Variants in NUP85 observed in about 807,000 individuals in gnomAD.
NUP85 encodes the protein nucleoporin 85.
Under a neutral mutation model 92.8 loss-of-function variants are expected in NUP85, and 23 were observed. The observed-to-expected ratio is 0.25, with a 90% CI of 0.18 to 0.35. The LOEUF is 0.35. Ranked by LOEUF, NUP85 falls within the 10% of genes least tolerant of loss-of-function variation. The pLI, the probability that NUP85 is intolerant of heterozygous loss-of-function variation, is 1.00. For synonymous variants in NUP85, 314 were observed against 306.9 expected (o/e 1.02, Z -0.24); for missense variants, 759 against 822.8 (o/e 0.92, Z 0.95).
chr17:75,230,936 A>T (rs1246227158), intron 11 of NUP85, among the ~76,000 whole-genome samples: 1 of 143,644 alleles, frequency 7.0e-6, no homozygotes, highest in African/African-American at 2.6e-5. Flanking sequence ...TTTCTGAGCG[A>T]TTTTTTTTTT....
chr17:75,220,821 G>A (rs1476504690), intron 7 of NUP85, among the ~76,000 whole-genome samples: 2 of 150,772 alleles, frequency 1.3e-5, no homozygotes, highest in Admixed American at 6.6e-5. Flanking sequence ...TGGTCAGGCT[G>A]GTCTTGAACT....
At chr17:75,220,611 G>A (rs1270397179) in intron 7 of NUP85, among the ~76,000 whole-genome samples, 1 of 149,222 alleles carries the variant, frequency 6.7e-6, no homozygotes, top group East Asian at 2.0e-4. Flanking sequence ...TTTTTGAGAT[G>A]GCGTCTTTCT....
intron 11 of NUP85, among the ~76,000 whole-genome samples, chr17:75,229,790 C>T (rs2075972338): frequency 1.3e-5 from 2 of 152,188 alleles, no homozygotes; most frequent in Non-Finnish European, 2.9e-5. Context: ...GGCACTGTCT[C>T]AGCCCTTCCT....
At position 75,231,647 on chromosome 17, in the gene NUP85, G is replaced by T. The variant is rs2076061885; in HGVS notation, c.1244+9G>T. 6.2e-7 allele frequency: 1 copy of T among 1,613,804 alleles called. No homozygotes were observed. The highest frequency in any genetic ancestry group is 8.5e-7 in the Non-Finnish European group (1 of 1,179,830). ...CTGTTTGCTCATCCCAGGTAGGAAG[G>T]ACCCCATGGGTGTGGGCTATGCGGG... On this transcript the variant is annotated intron_variant, in intron 13 of 18. Coordinates refer to ENST00000245544, the MANE Select transcript of NUP85 (RefSeq NM_024844.5). This position sits in a 1 kb window ranked among gnomAD's most constrained non-coding sequence, Gnocchi z 4.6.
chr17:75,230,423 G>A (rs944803679), intron 11 of NUP85, among the ~76,000 whole-genome samples: 9 of 149,440 alleles, frequency 6.0e-5, no homozygotes, highest in African/African-American at 1.7e-4. Flanking sequence ...ACAATGGCGC[G>A]ATCTCGTCTC....
intron 7 of NUP85, among the ~76,000 whole-genome samples, chr17:75,219,434 G>A (rs565017922): frequency 6.6e-6 from 1 of 151,998 alleles, no homozygotes; most frequent in East Asian, 1.9e-4. Flanking sequence ...ACACCACTAC[G>A]CCTGGCTAGT....
intron 7 of NUP85, among the ~76,000 whole-genome samples, chr17:75,222,753 C>T (rs1369889367): frequency 1.3e-5 from 2 of 151,782 alleles, no homozygotes; most frequent in Admixed American, 6.6e-5. Context: ...ACAGTGAAGT[C>T]AGCCAGGCGC....
chr17:75,231,004 C>T lies in NUP85; in HGVS notation c.1095-336C>T, dbSNP rs1598342040. The stretch of plus-strand genomic sequence containing the variant: ...TGGAGTGCGGTGGCGTGATCTCGGC[C>T]GATTGCAGCCTCTGCTTCCCAGGCT... On this transcript the variant is annotated intron_variant, in intron 11 of 18. Transcript: ENST00000245544. This position sits in a 1 kb window ranked among gnomAD's most constrained non-coding sequence, Gnocchi z 4.6. 3 of 281,036 alleles carry T rather than the reference C, an allele frequency of 1.1e-5. No homozygotes were observed. Among genetic ancestry groups the T allele is most frequent in the South Asian group, 3.7e-5 (1 of 26,924 alleles). The allele number at this position is 281,036 out of a possible 1,614,324, so 17.4% of individuals were successfully genotyped here. A position where few individuals can be genotyped will look rare whatever the true frequency, so the allele number is the denominator to read the frequency against.
rs2076304098 is a variant in NUP85 at position 75,235,612 on chromosome 17, T to C, written c.1904T>C (p.Leu635Pro). The C allele has an allele frequency of 6.2e-7, 1 of 1,614,016 alleles. No individual in the cohort carries two copies. Among genetic ancestry groups the C allele is most frequent in the Non-Finnish European group, 8.5e-7 (1 of 1,179,958 alleles). Residue 635 changes from leucine to proline, a missense_variant, in exon 19 of 19, where the codon CTG becomes CCG. Physicochemically the swap from Leu to Pro is moderately conservative, Grantham distance 98 (BLOSUM62 -3). Transcript: ENST00000245544. ...DDIETTKVEM[L>P]RLSLARNLAR... is the part of the protein sequence containing the mutation. ...ATAGAGACCACCAAGGTGGAAATGC[T>C]GAGACTTTCTCTGGCACGAAATCTT... is the stretch of plus-strand genomic sequence containing the variant.
At chr17:75,233,958 T>C (rs1278089116) in intron 16 of NUP85, among the ~76,000 whole-genome samples, 1 of 151,984 alleles carries the variant, frequency 6.6e-6, no homozygotes, top group Admixed American at 6.6e-5. Context: ...GGTCTGGAAC[T>C]CCTGACCTCA....
intron 11 of NUP85, among the ~76,000 whole-genome samples, chr17:75,230,420 C>T (rs1249968786): frequency 4.8e-5 from 7 of 146,188 alleles, no homozygotes; most frequent in African/African-American, 1.3e-4. Context: ...AGTACAATGG[C>T]GCGATCTCGT....
At chr17:75,209,133 T>C (rs2075179211) in intron 2 of NUP85, among the ~76,000 whole-genome samples, 1 of 152,206 alleles carries the variant, frequency 6.6e-6, no homozygotes, top group Non-Finnish European at 1.5e-5. Flanking sequence ...AAGCTTTTTA[T>C]CCCTTTTTCT....
intron 1 of NUP85, among the ~76,000 whole-genome samples, chr17:75,206,975 G>A (rs1357553749): frequency 6.6e-6 from 1 of 152,094 alleles, no homozygotes; most frequent in Non-Finnish European, 1.5e-5. Context: ...CCAAAGTGCT[G>A]GGATTACAGG....
At chr17:75,225,997 C>T (rs2075779772) in intron 10 of NUP85, 54 bp from the exon 11 acceptor site, 1 of 1,607,724 alleles carries the variant, frequency 6.2e-7, no homozygotes, top group African/African-American at 1.3e-5. Flanking sequence ...GCCCTGCCTG[C>T]CCCGAGTCTC....
chr17:75,232,964 G>C lies in NUP85; in HGVS notation c.1510G>C (p.Asp504His). Residue 504 changes from aspartate (D) to histidine (H), a missense_variant, in exon 15 of 19, where the codon GAC becomes CAC. Physicochemically the swap from Asp to His is moderately conservative, Grantham distance 81. Transcript: ENST00000245544. The stretch of plus-strand genomic sequence containing the variant: ...TGCCGCCTTTGCCACGCTCGTGTCA[G>C]ACAGGTGGGTGCCGCTAGTGTTGGC... ...KDAAFATLVS[D>H]RFLRDYCERG... 1 of 1,614,122 alleles carries C rather than the reference G, an allele frequency of 6.2e-7. No homozygotes were observed. Among genetic ancestry groups the C allele is most frequent in the Non-Finnish European group, 8.5e-7 (1 of 1,179,944 alleles).
intron 7 of NUP85, among the ~76,000 whole-genome samples, chr17:75,222,896 A>G (rs1009430868): frequency 1.1e-4 from 16 of 151,970 alleles, no homozygotes; most frequent in East Asian, 1.9e-4. Context: ...TTAGCCAGGC[A>G]TGGTGGCAGG....
At chr17:75,211,097 G>A (rs575781575) in intron 3 of NUP85, among the ~76,000 whole-genome samples, 1 of 150,670 alleles carries the variant, frequency 6.6e-6, no homozygotes, top group Non-Finnish European at 1.5e-5. Context: ...CTGCCTCCTG[G>A]GTTGAAGCCA....
intron 9 of NUP85, 57 bp downstream of exon 9, chr17:75,225,521 C>T: frequency 6.3e-7 from 1 of 1,595,110 alleles, no homozygotes; most frequent in Non-Finnish European, 8.5e-7. Flanking sequence ...GCTGTGGCAT[C>T]CAGTGCAGCA....
chr17:75,219,257 T>C (rs2075526967), intron 7 of NUP85, among the ~76,000 whole-genome samples: 1 of 151,918 alleles, frequency 6.6e-6, no homozygotes. Flanking sequence ...AATGTTTGAG[T>C]CTCTGATTGA....
Sources: gnomAD v4.1 joint callset for allele counts (sites outside exome capture counted in the v4.1 genomes callset) on GRCh38, gnomAD v4.1.1 for gene constraint, Gnocchi (gnomAD v3.1) non-coding constraint, MANE v1.5 for transcripts, NCBI Gene and HGNC (gene_info 2026-07-23, HGNC 2026-07-21) for gene names.